PLXNB1: variants seen among roughly 807,000 people sequenced by gnomAD.
PLXNB1 encodes the protein plexin B1.
A neutral mutation model predicts 209.4 loss-of-function variants in PLXNB1; 106 were observed. The observed-to-expected ratio is 0.51, with a 90% CI of 0.43 to 0.59. The LOEUF (loss-of-function observed/expected upper bound fraction) is 0.59. Among genes scored for constraint, PLXNB1 ranks in the 20% least tolerant of loss-of-function variants. The pLI, the probability that PLXNB1 is intolerant of heterozygous loss-of-function variation, is 0.00. For synonymous variants in PLXNB1, 1,167 were observed against 1,183.2 expected (o/e 0.99, Z 0.28); for missense variants, 2,357 against 2,853.2 (o/e 0.83, Z 3.96).
Position 48,410,189 on chromosome 3 carries a change from G to A in PLXNB1, c.5605+107C>T. ...GGCACCTGGTTGAGGGATTTCCTGG[G>A]CCGAATGGAAATAGGCACAAGCCTG... On this transcript the variant is annotated intron_variant, in intron 31 of 37. Transcript: ENST00000296440. The surrounding 1 kb of genome is among the most constrained non-coding windows in gnomAD (Gnocchi z 6.4). 1 of 1,453,734 alleles carries A rather than the reference G, an allele frequency of 6.9e-7. No homozygotes were observed. Among genetic ancestry groups the A allele is most frequent in the South Asian group, 1.3e-5 (1 of 74,768 alleles). The allele number at this position is 1,453,734 out of a possible 1,614,324, so 90.1% of individuals were successfully genotyped here. A position where few individuals can be genotyped will look rare whatever the true frequency, so the allele number is the denominator to read the frequency against.
rs776753109 is a variant in PLXNB1 at position 48,418,019 on chromosome 3, G to C, written c.3266C>G (p.Thr1089Ser). ...TGPVDGGTRV[T>S]IRGSNLGQHV... Reference sequence around the variant, plus strand: ...CTGGCCCAGGTTGGAGCCCCTGATGGTGACACGGGTGCCTCCGTCTACAGG... The same window carrying C: ...CTGGCCCAGGTTGGAGCCCCTGATGCTGACACGGGTGCCTCCGTCTACAGG... Residue 1089 changes from threonine to serine, a missense_variant, in exon 16 of 38, where the codon ACC (threonine) becomes AGC (serine). By Grantham distance (58) the Thr-to-Ser change is moderately conservative (BLOSUM62 1). Around this residue, in one of 7 missense-constraint regions of PLXNB1, gnomAD observed 743 missense variants for 896.2 expected, o/e 0.83. Coordinates refer to ENST00000296440, the MANE Select transcript of PLXNB1 (RefSeq NM_001130082.3). This position sits in a 1 kb window ranked among gnomAD's most constrained non-coding sequence, Gnocchi z 6.6. The C allele has an allele frequency of 6.2e-7, 1 of 1,613,508 alleles. No individual in the cohort carries two copies. The highest frequency in any genetic ancestry group is 8.5e-7 in the Non-Finnish European group (1 of 1,180,026).
Position 48,415,463 on chromosome 3 carries a change from G to A in PLXNB1, c.3795-116C>T, listed in dbSNP as rs2038021514. 10 of 1,398,512 alleles carry A rather than the reference G, an allele frequency of 7.2e-6. No homozygotes were observed. The South Asian group carries it at 9.3e-5, about 13-fold the overall frequency. 86.6% of individuals were successfully genotyped at this position (1,398,512 alleles called of 1,614,324 possible). ...CCAGCCCCAAACCACACGACCCCTT[G>A]CCCCTACTAGCAGCATGGGATTCTC... On this transcript the variant is annotated intron_variant, in intron 19 of 37. Transcript: ENST00000296440. The surrounding 1 kb of genome is among the most constrained non-coding windows in gnomAD (Gnocchi z 5.0).
At position 48,416,690 on chromosome 3, in the gene PLXNB1, A is replaced by G. The variant is rs572086193; in HGVS notation, c.3375-239T>C. 1.8e-4 allele frequency: 65 copies of G among 370,556 alleles called. 1 individual carries two copies. The highest frequency in any genetic ancestry group is 9.0e-4 in the African/African-American group (43 of 47,530). The allele number at this position is 370,556 out of a possible 1,614,324, so 23.0% of individuals were successfully genotyped here. A position where few individuals can be genotyped will look rare whatever the true frequency, so the allele number is the denominator to read the frequency against. ...TTAAGTTCAACCCCAGGGGCCCCCA[A>G]TAAGGAAGAATTTATCTGTGGCATA... On this transcript the variant is annotated intron_variant, in intron 16 of 37. Coordinates refer to ENST00000296440, the MANE Select transcript of PLXNB1 (RefSeq NM_001130082.3). The surrounding 1 kb of genome is among the most constrained non-coding windows in gnomAD (Gnocchi z 4.1).
Position 48,418,078 on chromosome 3 carries a change from G to C in PLXNB1, c.3223-16C>G, listed in dbSNP as rs1427539048. 6.2e-7 allele frequency: 1 copy of C among 1,611,148 alleles called. No homozygotes were observed. The highest frequency in any genetic ancestry group is 1.7e-5 in the Admixed American group (1 of 59,914). Reference sequence around the variant, plus strand: ...GTGGCTCCACCTGTTCCAGGACAAGGACTGCTCACCTCTACTCAACTGGAA... The same window carrying C: ...GTGGCTCCACCTGTTCCAGGACAAGCACTGCTCACCTCTACTCAACTGGAA... On this transcript the variant is annotated splice_polypyrimidine_tract_variant and intron_variant, in intron 15 of 37. Coordinates refer to ENST00000296440, the MANE Select transcript of PLXNB1 (RefSeq NM_001130082.3). The surrounding 1 kb of genome is among the most constrained non-coding windows in gnomAD (Gnocchi z 6.6).
Position 48,419,522 on chromosome 3 carries a change from T to C in PLXNB1, c.2709+55A>G. The C allele has an allele frequency of 6.5e-7, 1 of 1,530,346 alleles. No individual in the cohort carries two copies. The highest frequency in any genetic ancestry group is 2.3e-5 in the East Asian group (1 of 43,858). 94.8% of individuals were successfully genotyped at this position (1,530,346 alleles called of 1,614,324 possible). On this transcript the variant is annotated intron_variant, in intron 11 of 37. Coordinates refer to ENST00000296440, the MANE Select transcript of PLXNB1 (RefSeq NM_001130082.3). This position sits in a 1 kb window ranked among gnomAD's most constrained non-coding sequence, Gnocchi z 5.7. ...GCAGAATCACAAGGCAAGCTAGGGG[T>C]AGCATCTTCCCCACATCCCCTCCCC...
In PLXNB1 at chr3:48,419,915, G is replaced by T. The variant is rs774760301; in HGVS notation, c.2371C>A (p.Pro791Thr). 2 of 1,564,690 alleles carry T rather than the reference G, an allele frequency of 1.3e-6. No homozygotes were observed. Among genetic ancestry groups the T allele is most frequent in the Non-Finnish European group, 1.7e-6 (2 of 1,152,418 alleles). The change falls in exon 11 of 38, where the codon CCG becomes ACG. Residue 791 changes from proline (P) to threonine (T), a missense_variant. By Grantham distance (38) the Pro-to-Thr change is conservative (BLOSUM62 -1). Transcript: ENST00000296440. The surrounding 1 kb of genome is among the most constrained non-coding windows in gnomAD (Gnocchi z 5.7). ...GCTGCTACCTCTGAGGGTGACAGCGGGGAGGCCAAGAGGTCCTCAGGTGTG... is the reference window on the plus strand; with the variant it reads ...GCTGCTACCTCTGAGGGTGACAGCGTGGAGGCCAAGAGGTCCTCAGGTGTG... ...SATPEDLLASPLSPSEVAAVP... is the reference protein window; with the variant it reads ...SATPEDLLASTLSPSEVAAVP...
chr3:48,404,416 G>T lies in PLXNB1; in HGVS notation c.*70C>A, dbSNP rs2037187357. The T allele has an allele frequency of 4.3e-6, 4 of 938,110 alleles. No homozygotes were observed. The highest frequency in any genetic ancestry group is 2.3e-4 in the Middle Eastern group (1 of 4,334). 58.1% of individuals were successfully genotyped at this position (938,110 alleles called of 1,614,324 possible). A position where few individuals can be genotyped will look rare whatever the true frequency, so the allele number is the denominator to read the frequency against. ...GTCACTACAGGCACCTAAGAAGGTG[G>T]CCTCTCCTCCGAGCTTCCAGGGCTG... On this transcript the variant is annotated 3_prime_UTR_variant, in exon 38 of 38. Coordinates refer to ENST00000296440, the MANE Select transcript of PLXNB1 (RefSeq NM_001130082.3).
In PLXNB1 at chr3:48,415,787, G is replaced by A. The variant is rs993399566; in HGVS notation, c.3618-28C>T. 4 of 1,532,778 alleles carry A rather than the reference G, an allele frequency of 2.6e-6. No individual in the cohort carries two copies. Among genetic ancestry groups the A allele is most frequent in the Non-Finnish European group, 3.5e-6 (4 of 1,134,088 alleles). 94.9% of individuals were successfully genotyped at this position (1,532,778 alleles called of 1,614,324 possible). ...GGGAGGGGAGGTGGGAATGAATGCA[G>A]GGGCGCAGGCAGGGAAAACTTGGAC... On this transcript the variant is annotated intron_variant, in intron 18 of 37. Coordinates refer to ENST00000296440, the MANE Select transcript of PLXNB1 (RefSeq NM_001130082.3). The surrounding 1 kb of genome is among the most constrained non-coding windows in gnomAD (Gnocchi z 5.0).
chr3:48,415,231 C>A lies in PLXNB1; in HGVS notation c.3911G>T (p.Arg1304Leu), dbSNP rs370612794. ...ACATGCCGTCTCCGGGACCACGCGACGCCTCCGTCCAAGCCCCTGGCTGGG... is the reference window on the plus strand; with the variant it reads ...ACATGCCGTCTCCGGGACCACGCGAAGCCTCCGTCCAAGCCCCTGGCTGGG... ...LQPSQGLGRRRRVVPETACSL... is the reference protein window; with the variant it reads ...LQPSQGLGRRLRVVPETACSL... Residue 1304 changes from arginine (R) to leucine (L), a missense_variant, in exon 20 of 38, where the codon CGT (arginine) becomes CTT (leucine). Arg to Leu is a moderately radical substitution (Grantham distance 102). Coordinates refer to ENST00000296440, the MANE Select transcript of PLXNB1 (RefSeq NM_001130082.3). The surrounding 1 kb of genome is among the most constrained non-coding windows in gnomAD (Gnocchi z 5.0). 2.5e-6 allele frequency: 4 copies of A among 1,613,456 alleles called. No homozygotes were observed. The highest frequency in any genetic ancestry group is 3.4e-6 in the Non-Finnish European group (4 of 1,180,012).
At chr3:48,422,595 A>C (rs986973317) in intron 4 of PLXNB1, 136 bp from the exon 5 acceptor site, 1 of 1,280,134 alleles carries the variant, frequency 7.8e-7, no homozygotes, top group African/African-American at 1.5e-5. Flanking sequence ...CAACTGGCCT[A>C]GCGGGGATGG....
intron 3 of PLXNB1, 103 bp from the exon 4 acceptor site, chr3:48,423,050 C>A: frequency 1.0e-6 from 1 of 992,592 alleles, no homozygotes; most frequent in South Asian, 1.6e-5. Context: ...TCTGGTAGCT[C>A]TCCCTGTACA....
chr3:48,422,013 C>A, intron 6 of PLXNB1, 92 bp downstream of exon 6: 12 of 1,337,876 alleles, frequency 9.0e-6, no homozygotes, highest in Non-Finnish European at 1.3e-5. Flanking sequence ...GGTTGAGAGT[C>A]ATGGTCTAAG....
Position 48,412,816 on chromosome 3 carries a change from T to C in PLXNB1, c.4780A>G (p.Ser1594Gly). The C allele has an allele frequency of 6.2e-7, 1 of 1,613,694 alleles. No homozygotes were observed. Among genetic ancestry groups the C allele is most frequent in the Non-Finnish European group, 8.5e-7 (1 of 1,180,014 alleles). The stretch of plus-strand genomic sequence containing the variant: ...CCTTGCTCCACAGTGGGCCGTCTGC[T>C]CTCAGGCACACCCAGGTCCCGGTGC... ...PLHRDLGVPE[S>G]RRPTVEQGLG... The change falls in exon 25 of 38, where the codon AGC (serine) becomes GGC (glycine). Residue 1594 changes from serine (S) to glycine (G), a missense_variant. This residue lies in a region of PLXNB1 where 743 missense variants were observed against 896.2 expected (regional missense o/e 0.83). Coordinates refer to ENST00000296440, the MANE Select transcript of PLXNB1 (RefSeq NM_001130082.3).
chr3:48,423,935 G>A lies in PLXNB1; in HGVS notation c.677C>T (p.Ala226Val). 1 of 1,614,120 alleles carries A rather than the reference G, an allele frequency of 6.2e-7. No individual in the cohort carries two copies. The highest frequency in any genetic ancestry group is 8.5e-7 in the Non-Finnish European group (1 of 1,180,022). The change falls in exon 3 of 38, where the codon GCC becomes GTC. Residue 226 changes from alanine to valine, a missense_variant. Physicochemically the swap from Ala to Val is moderately conservative, Grantham distance 64. Coordinates refer to ENST00000296440, the MANE Select transcript of PLXNB1 (RefSeq NM_001130082.3). ...CCGCAGGAACAGGAAGTAGGCGCTG[G>A]CCCCACGTGCAAAGGCACTCACGAA... The part of the protein sequence containing the change: ...HHFVSAFARG[A>V]SAYFLFLRRD...
At chr3:48,428,071 C>T (rs2038987565) in intron 1 of PLXNB1, among the ~76,000 whole-genome samples, 1 of 152,098 alleles carries the variant, frequency 6.6e-6, no homozygotes, top group Non-Finnish European at 1.5e-5. Context: ...ATTCAGAGGC[C>T]CCAGCAACTT....
intron 1 of PLXNB1, among the ~76,000 whole-genome samples, chr3:48,425,873 C>A (rs1216682690): frequency 6.6e-6 from 1 of 151,822 alleles, no homozygotes; most frequent in African/African-American, 2.4e-5. Flanking sequence ...ATACACACAG[C>A]ACAGTGACAC....
rs1208487675 is a variant in PLXNB1, at chr3:48,415,248, C to T, written c.3894G>A (p.Gln1298=). The part of the protein sequence containing the change: ...TVVSRMLQPS[Q]GLGRRRRVVP... ...CCACGCGACGCCTCCGTCCAAGCCC[C>T]TGGCTGGGCTGCAGCATTCTCGAGA... The change falls in exon 20 of 38, where the codon CAG becomes CAA. Residue 1298 remains glutamine, a synonymous_variant. Coordinates refer to ENST00000296440, the MANE Select transcript of PLXNB1 (RefSeq NM_001130082.3). The surrounding 1 kb of genome is among the most constrained non-coding windows in gnomAD (Gnocchi z 5.0). 6.2e-7 allele frequency: 1 copy of T among 1,613,418 alleles called. No homozygotes were observed. Among genetic ancestry groups the T allele is most frequent in the African/African-American group, 1.3e-5 (1 of 74,924 alleles).
At position 48,419,256 on chromosome 3, in the gene PLXNB1, C is replaced by G; in HGVS notation, c.2820G>C (p.Leu940=). ...EREIRLLGRN[L]HLFQDGPGDN... ...AGGACACACTGACCTGGAAAAGGTG[C>G]AGGTTCCTGCCTAGCAGCCGGATTT... Residue 940 remains leucine, a synonymous_variant, in exon 12 of 38, where the codon CTG becomes CTC. Coordinates refer to ENST00000296440, the MANE Select transcript of PLXNB1 (RefSeq NM_001130082.3). This position sits in a 1 kb window ranked among gnomAD's most constrained non-coding sequence, Gnocchi z 5.7. 1 of 1,581,730 alleles carries G rather than the reference C, an allele frequency of 6.3e-7. No individual in the cohort carries two copies. Among genetic ancestry groups the G allele is most frequent in the Non-Finnish European group, 8.6e-7 (1 of 1,161,398 alleles).
intron 21 of PLXNB1, among the ~76,000 whole-genome samples, chr3:48,414,423 GC>G (rs1396085135): frequency 6.6e-6 from 1 of 152,166 alleles, no homozygotes; most frequent in African/African-American, 2.4e-5. Context: ...CCCATCTGCT[GC>G]CCACTGTGTA....
Sources: allele counts gnomAD v4.1 joint callset (sites outside exome capture counted in the v4.1 genomes callset), GRCh38; gene constraint gnomAD v4.1.1; regional missense constraint gnomAD v4.1.1; non-coding constraint Gnocchi (gnomAD v3.1); transcripts MANE v1.5; gene names NCBI Gene and HGNC (gene_info 2026-07-23, HGNC 2026-07-21).